The following NSUN6 variants were observed in gnomAD, a reference collection of about 807,000 sequenced individuals.
NSUN6 encodes NOP2/Sun RNA methyltransferase 6.
NSUN6 carries 64 observed loss-of-function variants against 58.0 expected under a neutral mutation model. That is an observed-to-expected ratio of 1.10 (90% confidence interval 0.90 to 1.36). NSUN6 has a LOEUF of 1.36. Among genes scored for constraint, NSUN6 ranks in the 40% most tolerant of loss-of-function variants. The pLI is 0.00. For synonymous variants in NSUN6, 231 were observed against 193.9 expected (o/e 1.19, Z -1.59); for missense variants, 701 against 550.1 (o/e 1.27, Z -2.74).
upstream of NSUN6, chr10:18,653,372 A>AG (rs1196117946): frequency 1.0e-6 from 1 of 974,282 alleles, no homozygotes; most frequent in Non-Finnish European, 1.2e-6. Context: ...GAGGACATTT[A>AG]GACTTTTTTG....
intron 8 of NSUN6, among the ~76,000 whole-genome samples, chr10:18,576,473 G>C (rs569982824): frequency 1.1e-3 from 168 of 152,252 alleles, no homozygotes; most frequent in African/African-American, 3.9e-3. Flanking sequence ...TAAAGAGCAA[G>C]GATGGACTGC....
chr10:18,589,746 C>G (rs1405787765), intron 7 of NSUN6, among the ~76,000 whole-genome samples: 1 of 152,156 alleles, frequency 6.6e-6, no homozygotes, highest in African/African-American at 2.4e-5. Context: ...CTTACAAGAG[C>G]TCCTAAAGGA....
At chr10:18,587,220 T>C (rs951451682) in intron 7 of NSUN6, among the ~76,000 whole-genome samples, 1 of 152,218 alleles carries the variant, frequency 6.6e-6, no homozygotes, top group Non-Finnish European at 1.5e-5. Context: ...TGCTCACCTC[T>C]GGAACAACAT....
chr10:18,627,785 C>T (rs1304738198), intron 3 of NSUN6, among the ~76,000 whole-genome samples: 2 of 152,232 alleles, frequency 1.3e-5, no homozygotes, highest in South Asian at 2.1e-4. Context: ...TGATTGCTAA[C>T]GCAGCAGTCT....
chr10:18,554,163 T>G (rs554285323), intron 8 of NSUN6, among the ~76,000 whole-genome samples: 3 of 149,132 alleles, frequency 2.0e-5, no homozygotes, highest in African/African-American at 7.4e-5. Context: ...GAATGCGGAA[T>G]GGAATGGAAT....
chr10:18,566,904 C>T (rs1455697079), intron 8 of NSUN6, among the ~76,000 whole-genome samples: 4 of 150,484 alleles, frequency 2.7e-5, no homozygotes, highest in South Asian at 4.2e-4. Flanking sequence ...TTCCATTGTC[C>T]ATTCTATTCT....
At chr10:18,558,346 GATGGA>G (rs2055207611) in intron 8 of NSUN6, among the ~76,000 whole-genome samples, 1 of 134,230 alleles carries the variant, frequency 7.4e-6, no homozygotes, top group African/African-American at 2.5e-5. Flanking sequence ...TGAGGAATGG[GATGGA>G]ATGGAGAATG....
chr10:18,553,147 TC>T (rs1005546834), intron 8 of NSUN6, among the ~76,000 whole-genome samples: 3 of 151,394 alleles, frequency 2.0e-5, no homozygotes, highest in Admixed American at 2.0e-4. Flanking sequence ...CATTCTCCCT[TC>T]CCTTCCATTC....
upstream of NSUN6, chr10:18,658,342 A>G (rs1696634280): frequency 6.6e-6 from 1 of 152,232 alleles, no homozygotes; most frequent in South Asian, 2.1e-4. Context: ...AGAGTTTGGC[A>G]TGTTAAAAGG....
intron 3 of NSUN6, among the ~76,000 whole-genome samples, chr10:18,627,219 C>G (rs1304798831): frequency 6.6e-6 from 1 of 152,132 alleles, no homozygotes; most frequent in African/African-American, 2.4e-5. Flanking sequence ...AATCTCATTT[C>G]AAGTAAACTG....
chr10:18,549,288 C>T (rs2054466931), intron 9 of NSUN6, among the ~76,000 whole-genome samples: 1 of 152,194 alleles, frequency 6.6e-6, no homozygotes, highest in Admixed American at 6.5e-5. Context: ...ACTTTGGCAA[C>T]ACTGGCCTCC....
chr10:18,615,799 A>G (rs544157604), intron 4 of NSUN6, among the ~76,000 whole-genome samples: 4 of 152,324 alleles, frequency 2.6e-5, no homozygotes, highest in Middle Eastern at 3.4e-3. Flanking sequence ...ATACATTAAG[A>G]GTATCAAGTT....
chr10:18,642,072 A>C (rs1045239752), intron 3 of NSUN6, among the ~76,000 whole-genome samples: 12 of 152,224 alleles, frequency 7.9e-5, no homozygotes, highest in African/African-American at 2.9e-4. Flanking sequence ...TTCTCAAAAA[A>C]TAAAATTTTA....
rs1738875377 is a variant in NSUN6 at position 18,617,367 on chromosome 10, T to C, written c.312-1074A>G. Among the ~76,000 whole-genome samples, 3 of 152,142 alleles carry C rather than the reference T, an allele frequency of 2.0e-5. No homozygotes were observed. The South Asian group carries it at 6.2e-4, about 32-fold the overall frequency. On this transcript the variant is annotated intron_variant, in intron 3 of 10. Coordinates refer to ENST00000377304, the MANE Select transcript of NSUN6 (RefSeq NM_182543.5). The stretch of plus-strand genomic sequence containing the variant: ...CACACCTGGCTAACTTGTGTATTTT[T>C]AGTAGTGACAGGGTTTCACCATGTT...
chr10:18,571,241 TTCCATTC>T (rs1366046901), intron 8 of NSUN6, among the ~76,000 whole-genome samples: 2 of 151,410 alleles, frequency 1.3e-5, no homozygotes, highest in Non-Finnish European at 3.0e-5. Flanking sequence ...CTTCATTCCA[TTCCATTC>T]TCCATTCTCC....
intron 8 of NSUN6, among the ~76,000 whole-genome samples, chr10:18,574,058 T>G (rs1006321828): frequency 6.6e-6 from 1 of 152,060 alleles, no homozygotes; most frequent in Non-Finnish European, 1.5e-5. Context: ...AGAAAAGCCA[T>G]TCCACCTTTT....
chr10:18,640,479 A>G (rs188841278), intron 3 of NSUN6, among the ~76,000 whole-genome samples: 3 of 152,368 alleles, frequency 2.0e-5, no homozygotes, highest in Admixed American at 1.3e-4. Context: ...TTGAACCTAA[A>G]TAAGTACAAT....
intron 8 of NSUN6, among the ~76,000 whole-genome samples, chr10:18,556,944 G>A (rs1324844424): frequency 6.6e-6 from 1 of 150,778 alleles, no homozygotes; most frequent in African/African-American, 2.4e-5. Flanking sequence ...ATGGAGAATG[G>A]AAGGGAATGG....
intron 8 of NSUN6, among the ~76,000 whole-genome samples, chr10:18,560,158 GGGGAATGGAA>G (rs1353690482): frequency 2.0e-5 from 3 of 149,622 alleles, no homozygotes; most frequent in Non-Finnish European, 3.0e-5. Context: ...AGAATGGAAT[GGGGAATGGAA>G]TGGAATGGAG....
Sources: allele counts gnomAD v4.1 joint callset (sites outside exome capture counted in the v4.1 genomes callset), GRCh38; gene constraint gnomAD v4.1.1; transcripts MANE v1.5; gene names NCBI Gene and HGNC (gene_info 2026-07-23, HGNC 2026-07-21).